Variants in KIF2A observed in about 807,000 individuals in gnomAD.
KIF2A encodes the protein kinesin family member 2A.
In KIF2A, 22 loss-of-function variants were observed where a neutral mutation model predicts 100.2. That is an observed-to-expected ratio of 0.22 (90% CI 0.16 to 0.31). The LOEUF is 0.31. Ranked by LOEUF, KIF2A falls within the 10% of genes least tolerant of loss-of-function variation. The pLI is 1.00. For missense variants in KIF2A, 495 were observed against 898.7 expected (o/e 0.55, Z 5.74); for synonymous variants, 268 against 285.9 (o/e 0.94, Z 0.63).
chr5:62,366,485 T>A lies in KIF2A; in HGVS notation c.1646+4T>A, dbSNP rs1428673893. ...ATACATTAAGATATGCAAATAGGTA[T>A]GAGAGATAGTTCTCCATTTTGAAAT... On this transcript the variant is annotated splice_donor_region_variant and intron_variant, in intron 16 of 20. Coordinates refer to ENST00000407818, the MANE Select transcript of KIF2A (RefSeq NM_001098511.3). 6.6e-7 allele frequency: 1 copy of A among 1,510,536 alleles called. No homozygotes were observed. Among genetic ancestry groups the A allele is most frequent in the Middle Eastern group, 1.7e-4 (1 of 5,812 alleles). The allele number at this position is 1,510,536 out of a possible 1,614,324, so 93.6% of individuals were successfully genotyped here.
chr5:62,316,965 T>A (rs1230072013), intron 1 of KIF2A, among the ~76,000 whole-genome samples: 3 of 152,148 alleles, frequency 2.0e-5, no homozygotes, highest in Non-Finnish European at 4.4e-5. Context: ...TTGTCATGCA[T>A]AGTCTATTGG....
intron 9 of KIF2A, 137 bp downstream of exon 9, chr5:62,358,436 G>A: frequency 3.5e-6 from 2 of 574,246 alleles, no homozygotes; most frequent in South Asian, 5.5e-5. Flanking sequence ...CAAAGAGAAT[G>A]TAATAAATGC....
chr5:62,382,013 T>C (rs533428660), intron 20 of KIF2A, among the ~76,000 whole-genome samples: 89 of 152,372 alleles, frequency 5.8e-4, no homozygotes, highest in Non-Finnish European at 1.1e-3. Flanking sequence ...TATTTCTTTA[T>C]GTGTTAATTT....
chr5:62,389,048 G>A lies in KIF2A; in HGVS notation c.*3479G>A, dbSNP rs747917304. The A allele has an allele frequency of 6.9e-6, 11 of 1,601,176 alleles. No individual in the cohort carries two copies. In the African/African-American group the frequency reaches 8.4e-5, roughly 12 times the overall value. On this transcript the variant is annotated 3_prime_UTR_variant, in exon 21 of 21. Transcript: ENST00000407818. ...ATACCTTCTGCGTTGAATCCATGTA[G>A]CAATCTGAAAAAAGAAATCAAAATG... is the stretch of plus-strand genomic sequence containing the variant.
At chr5:62,318,239 C>T (rs796402351) in intron 1 of KIF2A, among the ~76,000 whole-genome samples, 39 of 152,224 alleles carry the variant, frequency 2.6e-4, no homozygotes, top group African/African-American at 9.4e-4. Context: ...TGTGCCACCA[C>T]GCCCAGCTAA....
At chr5:62,382,926 TTTGC>T (rs1440353686) in intron 20 of KIF2A, among the ~76,000 whole-genome samples, 1 of 144,032 alleles carries the variant, frequency 6.9e-6, no homozygotes. Flanking sequence ...CGAGCCTGGC[TTTGC>T]TTTTTTTTTT....
chr5:62,365,362 A>G lies in KIF2A; in HGVS notation c.1578+9A>G. On this transcript the variant is annotated intron_variant, in intron 15 of 20. Transcript: ENST00000407818. ...ACTCTCGTACCTGCATGGTAAGTTT[A>G]TGTTTATTTTTTGTTTGTTTTATTT... The G allele has an allele frequency of 7.2e-7, 1 of 1,386,728 alleles. No homozygotes were observed. Among genetic ancestry groups the G allele is most frequent in the Non-Finnish European group, 1.0e-6 (1 of 993,284 alleles). 85.9% of individuals were successfully genotyped at this position (1,386,728 alleles called of 1,614,324 possible). A position where few individuals can be genotyped will look rare whatever the true frequency, so the allele number is the denominator to read the frequency against.
chr5:62,382,177 A>G (rs1741799089), intron 20 of KIF2A, among the ~76,000 whole-genome samples: 1 of 152,106 alleles, frequency 6.6e-6, no homozygotes, highest in Non-Finnish European at 1.5e-5. Context: ...TGTGATGTTG[A>G]TTAGTTGTTT....
At chr5:62,367,763 A>AT (rs899536379) in intron 16 of KIF2A, among the ~76,000 whole-genome samples, 21 of 151,588 alleles carry the variant, frequency 1.4e-4, no homozygotes, top group South Asian at 4.2e-4. Flanking sequence ...TGATCCATAG[A>AT]TTTTTTTTTC....
chr5:62,322,204 G>A (rs1247747694), intron 1 of KIF2A, among the ~76,000 whole-genome samples: 1 of 152,134 alleles, frequency 6.6e-6, no homozygotes, highest in Non-Finnish European at 1.5e-5. Context: ...GTGCTGGGAT[G>A]ACAGGTATGA....
intron 1 of KIF2A, among the ~76,000 whole-genome samples, chr5:62,324,183 A>G (rs1336791509): frequency 6.6e-6 from 1 of 152,222 alleles, no homozygotes; most frequent in Non-Finnish European, 1.5e-5. Context: ...CTACAGTGAG[A>G]ATTACAAAAC....
At chr5:62,376,201 A>T (rs12386483) in intron 18 of KIF2A, among the ~76,000 whole-genome samples, 99 of 152,276 alleles carry the variant, frequency 6.5e-4, no homozygotes, top group Middle Eastern at 3.4e-3. Context: ...GTATGACATC[A>T]TGAGTTTTTA....
chr5:62,334,722 T>C (rs556289618), intron 1 of KIF2A, among the ~76,000 whole-genome samples: 5 of 152,258 alleles, frequency 3.3e-5, no homozygotes, highest in African/African-American at 9.6e-5. Flanking sequence ...TTTTTGCCAG[T>C]GTCACCCACC....
chr5:62,306,645 G>T, intron 1 of KIF2A, 109 bp downstream of exon 1: 3 of 903,434 alleles, frequency 3.3e-6, no homozygotes, highest in Non-Finnish European at 5.0e-6. Flanking sequence ...GGCTGTGGGG[G>T]TGGGAAGGCG....
At chr5:62,306,716 G>C (rs1024740253) in intron 1 of KIF2A, among the ~76,000 whole-genome samples, 180 bp downstream of exon 1, 4 of 152,130 alleles carry the variant, frequency 2.6e-5, no homozygotes, top group Non-Finnish European at 5.9e-5. Context: ...GGGTCCGCCC[G>C]GGCGCTGCTG....
chr5:62,359,993 T>G (rs1466823996), intron 9 of KIF2A, among the ~76,000 whole-genome samples: 2 of 151,734 alleles, frequency 1.3e-5, no homozygotes, highest in East Asian at 1.9e-4. Flanking sequence ...CCATCTTTTT[T>G]TTTTTTTGTT....
chr5:62,318,496 G>C (rs1481745450), intron 1 of KIF2A, among the ~76,000 whole-genome samples: 1 of 152,192 alleles, frequency 6.6e-6, no homozygotes, highest in Non-Finnish European at 1.5e-5. Context: ...TTCGCTCTAA[G>C]TATATGGTAA....
chr5:62,377,623 A>C (rs1224639294), intron 18 of KIF2A, 38 bp from the exon 19 acceptor site: 5 of 1,110,314 alleles, frequency 4.5e-6, no homozygotes, highest in Non-Finnish European at 6.4e-6. Context: ...TTTAAAATAC[A>C]CACTATATCA....
chr5:62,348,796 T>C (rs1747701483), intron 3 of KIF2A, among the ~76,000 whole-genome samples: 1 of 152,200 alleles, frequency 6.6e-6, no homozygotes, highest in African/African-American at 2.4e-5. Flanking sequence ...GCAAAGTTGT[T>C]GAATCTGCGG....
Sources: gnomAD v4.1 joint callset for allele counts (sites outside exome capture counted in the v4.1 genomes callset) on GRCh38, gnomAD v4.1.1 for gene constraint, MANE v1.5 for transcripts, NCBI Gene and HGNC (gene_info 2026-07-23, HGNC 2026-07-21) for gene names.